Variants in RCC1 observed in about 807,000 individuals in gnomAD.
The protein encoded by RCC1 is regulator of chromosome condensation 1, also known as regulator of chromosome condensation.
RCC1 carries 11 observed loss-of-function variants against 44.4 expected under a neutral mutation model. That is an observed-to-expected ratio of 0.25 (90% CI 0.16 to 0.41). The LOEUF (loss-of-function observed/expected upper bound fraction) is 0.41, where lower values mean the gene tolerates loss of function less well. Among genes scored for constraint, RCC1 ranks in the 10% least tolerant of loss-of-function variants. The pLI is 1.00. For synonymous variants in RCC1, 213 were observed against 216.5 expected (o/e 0.98, Z 0.14); for missense variants, 386 against 547.1 (o/e 0.71, Z 2.94).
chr1:28,519,199 G>A (rs1312504061), intron 4 of RCC1, among the ~76,000 whole-genome samples: 1 of 152,158 alleles, frequency 6.6e-6, no homozygotes, highest in Non-Finnish European at 1.5e-5. Context: ...GGGATTGCAC[G>A]TGCAACGGCA....
intron 2 of RCC1, 200 bp from the exon 3 acceptor site, chr1:28,508,630 G>GC: frequency 1.9e-6 from 1 of 518,882 alleles, no homozygotes; most frequent in Non-Finnish European, 3.8e-6. Flanking sequence ...TTAGGGCTCT[G>GC]CCCCATGATG....
In RCC1 at chr1:28,538,786, CTT is replaced by C. The variant is rs905945541; in HGVS notation, c.*780_*781del. 1.3e-5 allele frequency: 2 copies of C among 152,198 alleles called. No homozygotes were observed. The highest frequency in any genetic ancestry group is 4.8e-5 in the African/African-American group (2 of 41,502). 9.4% of individuals were successfully genotyped at this position (152,198 alleles called of 1,614,324 possible). ...GAGGGTGGAGGGTTTTATAAACAAA[CTT>C]AACAGCAATATTGAAAGGAGGTGGG... is the stretch of plus-strand genomic sequence containing the variant. On this transcript the variant is annotated 3_prime_UTR_variant, in exon 13 of 13. Transcript: ENST00000683442.
chr1:28,536,439 A>G lies in RCC1; in HGVS notation c.937+58A>G. The G allele has an allele frequency of 1.3e-6, 2 of 1,577,610 alleles. No individual in the cohort carries two copies. The highest frequency in any genetic ancestry group is 1.7e-6 in the Non-Finnish European group (2 of 1,166,178). On this transcript the variant is annotated intron_variant, in intron 11 of 12. Transcript: ENST00000683442. This position sits in a 1 kb window ranked among gnomAD's most constrained non-coding sequence, Gnocchi z 4.9. Reference sequence around the variant, plus strand: ...GTGGAGTGTTCCCTGGCCTAGGCCTAGCCAGATTCCTGAGACCATGGTCCT... The same window carrying G: ...GTGGAGTGTTCCCTGGCCTAGGCCTGGCCAGATTCCTGAGACCATGGTCCT...
At chr1:28,534,431 T>C (rs1330691964) in intron 7 of RCC1, among the ~76,000 whole-genome samples, 1 of 152,080 alleles carries the variant, frequency 6.6e-6, no homozygotes, top group Non-Finnish European at 1.5e-5. Flanking sequence ...TCGCCCGCCT[T>C]GGCCTCCCAA....
intron 2 of RCC1, chr1:28,508,538 A>T (rs1227067976): frequency 1.9e-6 from 1 of 514,604 alleles, no homozygotes; most frequent in Non-Finnish European, 3.9e-6. Flanking sequence ...CGGTTACTCC[A>T]ATTCCTCACT....
intron 3 of RCC1, chr1:28,510,873 TAA>T (rs1662483747): frequency 6.6e-6 from 1 of 152,176 alleles, no homozygotes; most frequent in Non-Finnish European, 1.5e-5. Flanking sequence ...CTCACCTGAG[TAA>T]AGTGATTTTT....
At chr1:28,511,897 C>G (rs919854825) in intron 3 of RCC1, among the ~76,000 whole-genome samples, 1 of 151,592 alleles carries the variant, frequency 6.6e-6, no homozygotes, top group African/African-American at 2.4e-5. Context: ...CTCCTGACCT[C>G]AAGTGATCCA....
At position 28,536,638 on chromosome 1, in the gene RCC1, C is replaced by G; in HGVS notation, c.938-109C>G. The G allele has an allele frequency of 7.4e-7, 1 of 1,356,794 alleles. No homozygotes were observed. Among genetic ancestry groups the G allele is most frequent in the Admixed American group, 1.9e-5 (1 of 51,530 alleles). The allele number at this position is 1,356,794 out of a possible 1,614,324, so 84.0% of individuals were successfully genotyped here. A position where few individuals can be genotyped will look rare whatever the true frequency, so the allele number is the denominator to read the frequency against. On this transcript the variant is annotated intron_variant, in intron 11 of 12. Coordinates refer to ENST00000683442, the MANE Select transcript of RCC1 (RefSeq NM_001381865.2). This position sits in a 1 kb window ranked among gnomAD's most constrained non-coding sequence, Gnocchi z 4.9. ...CACTGCAGATCTCCTTCTGATCGCT[C>G]TGGGAGCAGGGACACACTCCCATGG...
rs145061858 is a variant in RCC1, at chr1:28,537,535, A to T, written c.1091-297A>T. 6.8e-3 allele frequency among the ~76,000 whole-genome samples: 1,042 copies of T among 152,344 alleles called. 9 individuals are homozygous for T. Among genetic ancestry groups the T allele is most frequent in the Middle Eastern group, 0.021 (6 of 292 alleles). ...ATGCCATTCCAGGCAGAGGAACATC[A>T]GGGCAGTCTCAAAGGTGGCTGGTCC... On this transcript the variant is annotated intron_variant, in intron 12 of 12. Transcript: ENST00000683442.
intron 3 of RCC1, among the ~76,000 whole-genome samples, chr1:28,514,966 G>A (rs1251354828): frequency 6.6e-6 from 1 of 152,126 alleles, no homozygotes; most frequent in Non-Finnish European, 1.5e-5. Flanking sequence ...AAAACCCACA[G>A]TACATTATTA....
Position 28,508,880 on chromosome 1 carries a change from G to A in RCC1, c.-178G>A, listed in dbSNP as rs1053329012. 1.9e-6 allele frequency: 1 copy of A among 517,028 alleles called. No homozygotes were observed. The highest frequency in any genetic ancestry group is 1.9e-5 in the African/African-American group (1 of 51,792). 32.0% of individuals were successfully genotyped at this position (517,028 alleles called of 1,614,324 possible). A position where few individuals can be genotyped will look rare whatever the true frequency, so the allele number is the denominator to read the frequency against. ...TTTTGGCATTGACATTTAATTTTAG[G>A]GTCCTTTATATAGAAGGGAGAGTAG... On this transcript the variant is annotated 5_prime_UTR_variant, in exon 3 of 13. Coordinates refer to ENST00000683442, the MANE Select transcript of RCC1 (RefSeq NM_001381865.2).
intron 4 of RCC1, among the ~76,000 whole-genome samples, chr1:28,517,902 T>C (rs546550465): frequency 6.6e-6 from 1 of 152,236 alleles, no homozygotes; most frequent in East Asian, 1.9e-4. Context: ...TGGTTGTTGA[T>C]AGTCTGATTT....
intron 4 of RCC1, chr1:28,526,435 C>A: frequency 2.1e-6 from 1 of 477,144 alleles, no homozygotes; most frequent in Non-Finnish European, 4.0e-6. Flanking sequence ...GACAAGGGTG[C>A]GATGTTTATG....
intron 4 of RCC1, among the ~76,000 whole-genome samples, chr1:28,517,233 G>A (rs1238936149): frequency 1.3e-5 from 2 of 152,096 alleles, no homozygotes; most frequent in Non-Finnish European, 2.9e-5. Context: ...TCGAGAAAAC[G>A]TCCTTTGCAA....
intron 1 of RCC1, chr1:28,507,706 A>G: frequency 2.8e-6 from 1 of 357,490 alleles, no homozygotes; most frequent in South Asian, 2.1e-5. Flanking sequence ...TGATTATGCT[A>G]AGTGATTCTC....
intron 4 of RCC1, chr1:28,526,485 G>T: frequency 1.8e-6 from 1 of 568,740 alleles, no homozygotes; most frequent in Non-Finnish European, 3.4e-6. Flanking sequence ...ATTTATCCAG[G>T]CAAGACGGCT....
intron 4 of RCC1, chr1:28,518,637 T>TGCGCGCGGCCGCCCGGGC (rs1553212535): frequency 6.7e-6 from 1 of 149,904 alleles, no homozygotes; most frequent in Non-Finnish European, 1.5e-5. Flanking sequence ...GCGGGCCGGG[T>TGCGCGCGGCCGCCCGGGC]GCGCGCGGCC....
At chr1:28,522,938 C>T (rs1663380541) in intron 4 of RCC1, among the ~76,000 whole-genome samples, 2 of 150,828 alleles carry the variant, frequency 1.3e-5, no homozygotes, top group Admixed American at 1.3e-4. Flanking sequence ...AAGTTGCTGT[C>T]TTTCCTAGGG....
At chr1:28,514,550 T>C (rs1570173080) in intron 3 of RCC1, among the ~76,000 whole-genome samples, 1 of 147,034 alleles carries the variant, frequency 6.8e-6, no homozygotes, top group South Asian at 2.1e-4. Context: ...TCACCTGAGG[T>C]CGGGAGTACA....
Sources: allele counts gnomAD v4.1 joint callset (sites outside exome capture counted in the v4.1 genomes callset), GRCh38; gene constraint gnomAD v4.1.1; non-coding constraint Gnocchi (gnomAD v3.1); transcripts MANE v1.5; gene names NCBI Gene and HGNC (gene_info 2026-07-23, HGNC 2026-07-21).